ZNF532: variants seen among roughly 807,000 people sequenced by gnomAD.
ZNF532 encodes zinc finger protein 532.
Under a neutral mutation model 89.3 loss-of-function variants are expected in ZNF532, and 22 were observed. The observed-to-expected ratio is 0.25, with a 90% CI of 0.18 to 0.35. The LOEUF (loss-of-function observed/expected upper bound fraction) is 0.35. ZNF532 is among the 10% of genes least tolerant of loss of function. ZNF532 has a pLI of 1.00. For missense variants in ZNF532, 1,132 were observed against 1,643.4 expected (o/e 0.69, Z 5.38); for synonymous variants, 606 against 649.6 (o/e 0.93, Z 1.02).
rs1292767469 is a variant in ZNF532, at chr18:58,865,511, G to C, written c.-86G>C. The C allele has an allele frequency of 2.6e-5, 4 of 153,028 alleles. No individual in the cohort carries two copies. Among genetic ancestry groups the C allele is most frequent in the African/African-American group, 9.7e-5 (4 of 41,390 alleles). 9.5% of individuals were successfully genotyped at this position (153,028 alleles called of 1,614,324 possible). On this transcript the variant is annotated 5_prime_UTR_variant, in exon 2 of 10. Coordinates refer to ENST00000591808, the MANE Select transcript of ZNF532 (RefSeq NM_001375912.1). ...TGCTTTTAACCCTTTCCTATTTGCT[G>C]AGAATGCAGCCGTGTGACAGTAACT...
chr18:58,922,752 G>T (rs1404955128), intron 3 of ZNF532, among the ~76,000 whole-genome samples: 1 of 151,792 alleles, frequency 6.6e-6, no homozygotes, highest in Non-Finnish European at 1.5e-5. Context: ...CTGTGTCCTG[G>T]CTTAGGAGGG....
intron 2 of ZNF532, among the ~76,000 whole-genome samples, chr18:58,870,953 T>G (rs929898952): frequency 1.3e-5 from 2 of 152,020 alleles, no homozygotes; most frequent in Admixed American, 6.5e-5. Context: ...GTCTGGAATT[T>G]AGGAGGGTTG....
At chr18:58,922,209 TG>T (rs1224141462) in intron 3 of ZNF532, among the ~76,000 whole-genome samples, 1 of 152,190 alleles carries the variant, frequency 6.6e-6, no homozygotes, top group Non-Finnish European at 1.5e-5. Context: ...AACAGTAAAC[TG>T]GGCTTTCCTT....
Position 58,865,549 on chromosome 18 carries a change from A to G in ZNF532, c.-48A>G, listed in dbSNP as rs953317076. On this transcript the variant is annotated 5_prime_UTR_variant, in exon 2 of 10. Transcript: ENST00000591808. ...TGTGACAGTAACTGAACATTGGTCT[A>G]AAGTCTTTCCAAAAGGTCAAGGTTC... 4 of 153,230 alleles carry G rather than the reference A, an allele frequency of 2.6e-5. No individual in the cohort carries two copies. The highest frequency in any genetic ancestry group is 9.7e-5 in the African/African-American group (4 of 41,420). 9.5% of individuals were successfully genotyped at this position (153,230 alleles called of 1,614,324 possible).
At chr18:58,895,270 A>G (rs1221924135) in intron 2 of ZNF532, among the ~76,000 whole-genome samples, 1 of 152,244 alleles carries the variant, frequency 6.6e-6, no homozygotes, top group Non-Finnish European at 1.5e-5. Flanking sequence ...GCAAAGGAAC[A>G]GACGCATGTC....
intron 2 of ZNF532, among the ~76,000 whole-genome samples, chr18:58,888,783 A>AAAT (rs1568246397): frequency 0.025 from 1,333 of 54,366 alleles, 104 homozygotes; most frequent in South Asian, 0.036. Context: ...TTATATATAT[A>AAAT]TAAAATATAT....
At chr18:58,914,711 T>C (rs1333465085) in intron 2 of ZNF532, among the ~76,000 whole-genome samples, 5 of 152,124 alleles carry the variant, frequency 3.3e-5, no homozygotes, top group African/African-American at 1.2e-4. Context: ...TAAAAGACTA[T>C]TATTGCCTTT....
intron 6 of ZNF532, among the ~76,000 whole-genome samples, chr18:58,952,358 C>G (rs1226294169): frequency 6.6e-6 from 1 of 152,142 alleles, no homozygotes. Flanking sequence ...ATATTGTATA[C>G]AGAGGCAAAG....
chr18:58,948,179 G>A lies in ZNF532; in HGVS notation c.2818G>A (p.Asp940Asn), dbSNP rs2063824309. The change falls in exon 6 of 10, where the codon GAC becomes AAC. Residue 940 changes from aspartate to asparagine, a missense_variant. Asp to Asn is a conservative substitution (Grantham distance 23). Coordinates refer to ENST00000591808, the MANE Select transcript of ZNF532 (RefSeq NM_001375912.1). ...NQKVSVFKCP[D>N]CSLLYAQKQL... ...GAAGGTGTCTGTTTTCAAGTGTCCA[G>A]ACTGTTCTCTTTTATATGCACAGAA... is the stretch of plus-strand genomic sequence containing the variant. 6.2e-7 allele frequency: 1 copy of A among 1,613,828 alleles called. No individual in the cohort carries two copies.
chr18:58,947,729 T>TA (rs143986556), intron 5 of ZNF532, among the ~76,000 whole-genome samples: 12,077 of 151,410 alleles, frequency 0.08, 1,050 homozygotes, highest in African/African-American at 0.22. Context: ...AAAAAATCTT[T>TA]AAAAAAAAAG....
intron 2 of ZNF532, among the ~76,000 whole-genome samples, chr18:58,873,505 A>G (rs569268741): frequency 2.3e-4 from 35 of 151,672 alleles, no homozygotes; most frequent in Non-Finnish European, 3.5e-4. Context: ...CTGGAGTGCA[A>G]TGGCGCAATC....
At chr18:58,957,405 AC>A (rs2064890163) in intron 7 of ZNF532, among the ~76,000 whole-genome samples, 1 of 51,822 alleles carries the variant, frequency 1.9e-5, no homozygotes, top group African/African-American at 8.7e-5. Context: ...GACTTAAAAT[AC>A]ATATATATAT....
chr18:58,983,535 T>A lies in ZNF532; in HGVS notation c.3412-437T>A, dbSNP rs80126647. On this transcript the variant is annotated intron_variant, in intron 9 of 9. Coordinates refer to ENST00000591808, the MANE Select transcript of ZNF532 (RefSeq NM_001375912.1). The stretch of plus-strand genomic sequence containing the variant: ...TTCCCGACACTGCGTCAGGTCTCTT[T>A]TCAAATGTCACCTGTCACCAGGCTG... Among the ~76,000 whole-genome samples the A allele has an allele frequency of 4.9e-3, 741 of 152,222 alleles. 6 individuals carry two copies. Among genetic ancestry groups the A allele is most frequent in the African/African-American group, 0.016 (671 of 41,536 alleles).
chr18:58,875,146 C>G (rs1003852902), intron 2 of ZNF532, among the ~76,000 whole-genome samples: 2 of 150,380 alleles, frequency 1.3e-5, no homozygotes, highest in Non-Finnish European at 2.9e-5. Context: ...TTCACCTTTC[C>G]CCCCCCTTTT....
chr18:58,953,875 T>C (rs1164743981), intron 7 of ZNF532, 76 bp downstream of exon 7: 2 of 1,524,852 alleles, frequency 1.3e-6, no homozygotes, highest in Non-Finnish European at 8.8e-7. Flanking sequence ...AGATGTGGGC[T>C]CTTGGCTTGG....
chr18:58,889,784 C>G (rs2058750172), intron 2 of ZNF532, among the ~76,000 whole-genome samples: 2 of 141,372 alleles, frequency 1.4e-5, no homozygotes, highest in Admixed American at 1.4e-4. Flanking sequence ...AAACAAAAAA[C>G]AAAAAAACCC....
intron 2 of ZNF532, among the ~76,000 whole-genome samples, chr18:58,900,157 C>T (rs1194459529): frequency 6.6e-6 from 1 of 152,202 alleles, no homozygotes; most frequent in Non-Finnish European, 1.5e-5. Context: ...TCTGTCTGCG[C>T]AGCTGCGGCC....
chr18:58,930,032 C>A (rs1297644379), intron 3 of ZNF532, among the ~76,000 whole-genome samples: 4 of 152,178 alleles, frequency 2.6e-5, no homozygotes, highest in Admixed American at 2.6e-4. Context: ...TCCAATGTTT[C>A]ATGTTGGTGT....
intron 2 of ZNF532, among the ~76,000 whole-genome samples, chr18:58,880,694 A>G (rs966582486): frequency 4.0e-5 from 6 of 150,716 alleles, no homozygotes; most frequent in Non-Finnish European, 5.9e-5. Flanking sequence ...GAATTGTTCA[A>G]ACCTAAAGTT....
Sources: allele counts gnomAD v4.1 joint callset (sites outside exome capture counted in the v4.1 genomes callset), GRCh38; gene constraint gnomAD v4.1.1; transcripts MANE v1.5; gene names NCBI Gene and HGNC (gene_info 2026-07-23, HGNC 2026-07-21).